The following ULK4 variants were observed in gnomAD, a reference collection of about 807,000 sequenced individuals.
ULK4 encodes unc-51 like kinase 4.
In ULK4, 133 loss-of-function variants were observed where a neutral mutation model predicts 160.6. That is an observed-to-expected ratio of 0.83 (90% CI 0.72 to 0.96). The LOEUF (loss-of-function observed/expected upper bound fraction) is 0.96, where lower values mean the gene tolerates loss of function less well. Among genes scored for constraint, ULK4 ranks in the 40% least tolerant of loss-of-function variants. The probability of loss-of-function intolerance (pLI) is 0.00; values close to 1 mark genes in which losing one functional copy is unlikely to be tolerated. For missense variants in ULK4, 1,580 were observed against 1,499.5 expected (o/e 1.05, Z -0.89); for synonymous variants, 534 against 539.8 (o/e 0.99, Z 0.15).
chr3:41,414,304 C>T (rs568649787), intron 34 of ULK4, among the ~76,000 whole-genome samples: 2 of 152,314 alleles, frequency 1.3e-5, no homozygotes, highest in African/African-American at 4.8e-5. Context: ...TTAGCCACCT[C>T]AAATGCTTTA....
In ULK4 at chr3:41,606,376, T is replaced by A. The variant is rs377284324; in HGVS notation, c.3120+9293A>T. ...ACATGCCACATTTGCTTTATCCATT[T>A]ATCTATTTAGGTTGACTGCATATCT... On this transcript the variant is annotated intron_variant, in intron 31 of 36. Transcript: ENST00000301831. Among the ~76,000 whole-genome samples the A allele has an allele frequency of 4.7e-4, 72 of 152,202 alleles. 2 individuals are homozygous for A. In the South Asian group the frequency reaches 0.015, roughly 31 times the overall value.
intron 27 of ULK4, among the ~76,000 whole-genome samples, chr3:41,692,229 G>A (rs1016940168): frequency 6.7e-6 from 1 of 148,640 alleles, no homozygotes; most frequent in Non-Finnish European, 1.5e-5. Context: ...GGGATTACAG[G>A]CGTGAGCCAC....
intron 22 of ULK4, among the ~76,000 whole-genome samples, chr3:41,748,838 GATA>G (rs2038512886): frequency 6.6e-6 from 1 of 152,146 alleles, no homozygotes; most frequent in Non-Finnish European, 1.5e-5. Flanking sequence ...CTTTTATCAG[GATA>G]ATAATATCTT....
chr3:41,796,169 C>T (rs891229020), intron 20 of ULK4, among the ~76,000 whole-genome samples: 1 of 151,912 alleles, frequency 6.6e-6, no homozygotes, highest in South Asian at 2.1e-4. Context: ...AGGCCTCCAG[C>T]GGGGAGTGAA....
intron 35 of ULK4, among the ~76,000 whole-genome samples, chr3:41,363,447 G>C (rs1346883829): frequency 1.5e-4 from 23 of 152,134 alleles, no homozygotes; most frequent in Admixed American, 1.5e-3. Context: ...TTCTGGCCTG[G>C]GATAGCTCCC....
At chr3:41,503,754 A>G (rs1015187506) in intron 32 of ULK4, among the ~76,000 whole-genome samples, 1 of 152,178 alleles carries the variant, frequency 6.6e-6, no homozygotes, top group African/African-American at 2.4e-5. Context: ...CTGATGATTA[A>G]CACCTGAAAT....
At chr3:41,930,234 G>T (rs1699545286) in intron 5 of ULK4, among the ~76,000 whole-genome samples, 1 of 148,266 alleles carries the variant, frequency 6.7e-6, no homozygotes, top group Non-Finnish European at 1.5e-5. Context: ...ATGGGGAAAG[G>T]ATTTCCTATT....
At chr3:41,896,768 G>C (rs770050269) in intron 15 of ULK4, 54 bp downstream of exon 15, 1 of 1,514,752 alleles carries the variant, frequency 6.6e-7, no homozygotes, top group Admixed American at 2.1e-5. Context: ...GCACTTGTTT[G>C]AGCCTCTATA....
At chr3:41,508,470 G>A (rs1030062983) in intron 32 of ULK4, among the ~76,000 whole-genome samples, 3 of 152,080 alleles carry the variant, frequency 2.0e-5, no homozygotes, top group Non-Finnish European at 4.4e-5. Flanking sequence ...CCTCCCTATA[G>A]TATCACAGGC....
intron 32 of ULK4, among the ~76,000 whole-genome samples, chr3:41,544,964 C>A (rs1478310169): frequency 6.6e-6 from 1 of 152,214 alleles, no homozygotes; most frequent in Non-Finnish European, 1.5e-5. Context: ...CACCAACTCA[C>A]TGTTCTTACT....
chr3:41,605,480 A>G (rs2125669586), intron 31 of ULK4, among the ~76,000 whole-genome samples: 1 of 152,096 alleles, frequency 6.6e-6, no homozygotes, highest in East Asian at 1.9e-4. Flanking sequence ...AATAAATTTC[A>G]GGACAAGGAG....
chr3:41,584,442 C>T (rs894866535), intron 31 of ULK4, among the ~76,000 whole-genome samples: 2 of 152,082 alleles, frequency 1.3e-5, no homozygotes, highest in African/African-American at 2.4e-5. Context: ...TAGGTGCATG[C>T]CACTATGCTC....
chr3:41,743,909 A>G (rs966843439), intron 22 of ULK4, among the ~76,000 whole-genome samples: 1 of 151,882 alleles, frequency 6.6e-6, no homozygotes, highest in Non-Finnish European at 1.5e-5. Flanking sequence ...TTATATTTTA[A>G]AAGTAGGGAT....
chr3:41,643,115 T>G (rs893485369), intron 30 of ULK4, among the ~76,000 whole-genome samples: 1 of 152,160 alleles, frequency 6.6e-6, no homozygotes, highest in Non-Finnish European at 1.5e-5. Context: ...GAGTAGGTTG[T>G]GAAAATTTTC....
At chr3:41,768,769 T>G (rs1227204012) in intron 21 of ULK4, among the ~76,000 whole-genome samples, 2 of 152,112 alleles carry the variant, frequency 1.3e-5, no homozygotes, top group Admixed American at 1.3e-4. Flanking sequence ...AAATAAAATA[T>G]AACTTAAGTA....
intron 35 of ULK4, among the ~76,000 whole-genome samples, chr3:41,362,497 A>G (rs1230834910): frequency 6.6e-6 from 1 of 152,242 alleles, no homozygotes; most frequent in African/African-American, 2.4e-5. Context: ...TGTATCATAT[A>G]CAGTATATAC....
intron 35 of ULK4, among the ~76,000 whole-genome samples, chr3:41,295,000 T>C (rs926359192): frequency 2.6e-5 from 4 of 152,352 alleles, no homozygotes; most frequent in African/African-American, 7.2e-5. Context: ...CAATGCAGTA[T>C]TGAAGAAGAA....
intron 35 of ULK4, among the ~76,000 whole-genome samples, chr3:41,291,630 T>C (rs948413234): frequency 6.6e-6 from 1 of 152,118 alleles, no homozygotes; most frequent in Non-Finnish European, 1.5e-5. Flanking sequence ...AACTATGTTA[T>C]AATCATTTAA....
chr3:41,824,707 C>A (rs1575773940), intron 18 of ULK4, among the ~76,000 whole-genome samples: 1 of 152,196 alleles, frequency 6.6e-6, no homozygotes. Context: ...TTCAAGGAGG[C>A]CTGCCTGCCT....
Sources: gnomAD v4.1 joint callset for allele counts (sites outside exome capture counted in the v4.1 genomes callset) on GRCh38, gnomAD v4.1.1 for gene constraint, MANE v1.5 for transcripts, NCBI Gene and HGNC (gene_info 2026-07-23, HGNC 2026-07-21) for gene names.